Variants in DNM2 observed in about 807,000 individuals in gnomAD.
The protein encoded by DNM2 is dynamin-2.
In DNM2, 15 loss-of-function variants were observed where a neutral mutation model predicts 99.0. That is an observed-to-expected ratio of 0.15 (90% CI 0.10 to 0.23). The LOEUF is 0.23. DNM2 is among the 10% of genes least tolerant of loss of function. The probability of loss-of-function intolerance (pLI) is 1.00; values close to 1 mark genes in which losing one functional copy is unlikely to be tolerated. For synonymous variants in DNM2, 525 were observed against 481.2 expected, an observed-to-expected ratio of 1.09 and a Z score of -1.19; for missense variants, 742 against 1,189.4, an observed-to-expected ratio of 0.62 and a Z score of 5.53.
intron 7 of DNM2, among the ~76,000 whole-genome samples, chr19:10,789,869 T>G (rs2071691690): frequency 6.6e-6 from 1 of 152,074 alleles, no homozygotes; most frequent in South Asian, 2.1e-4. Flanking sequence ...ATAAATAAAT[T>G]TAAATACTAC....
chr19:10,783,698 TATTATTA>T (rs1568298569), intron 6 of DNM2, among the ~76,000 whole-genome samples: 5 of 131,540 alleles, frequency 3.8e-5, no homozygotes, highest in African/African-American at 7.6e-5. Flanking sequence ...TTATTATTAT[TATTATTA>T]TTTTTTATTT....
chr19:10,724,945 C>T (rs2069063865), intron 1 of DNM2, among the ~76,000 whole-genome samples: 1 of 152,228 alleles, frequency 6.6e-6, no homozygotes, highest in Non-Finnish European at 1.5e-5. Flanking sequence ...GGATGAGCCG[C>T]GGGGGCACTG....
chr19:10,756,806 A>G (rs921977474), intron 1 of DNM2, among the ~76,000 whole-genome samples: 2 of 151,664 alleles, frequency 1.3e-5, no homozygotes, highest in African/African-American at 4.8e-5. Flanking sequence ...CCACCTCCCA[A>G]ACTGCCCTGG....
Position 10,812,492 on chromosome 19 carries a change from AT to A in DNM2, c.1671+117del. On this transcript the variant is annotated intron_variant, in intron 15 of 20. Coordinates refer to ENST00000389253, the MANE Select transcript of DNM2 (RefSeq NM_001005361.3). This position sits in a 1 kb window ranked among gnomAD's most constrained non-coding sequence, Gnocchi z 4.0. ...CTGCGCCACTCTGCCCTGAGTCACC[AT>A]TAGGACTGTAACTCGCCGGGCACGG... The A allele has an allele frequency of 2.4e-6, 2 of 851,056 alleles. No individual in the cohort carries two copies. Among genetic ancestry groups the A allele is most frequent in the Non-Finnish European group, 1.8e-6 (1 of 541,526 alleles). The allele number at this position is 851,056 out of a possible 1,614,324, so 52.7% of individuals were successfully genotyped here.
chr19:10,788,416 T>C (rs1043101177), intron 7 of DNM2, among the ~76,000 whole-genome samples: 8 of 151,888 alleles, frequency 5.3e-5, no homozygotes, highest in African/African-American at 1.9e-4. Context: ...GAGGAGGTGA[T>C]AGAGCAGGTT....
intron 2 of DNM2, among the ~76,000 whole-genome samples, chr19:10,760,827 A>ATTTTTGTTTTTTTTTTTTTTTT (rs2070600608): frequency 2.4e-5 from 1 of 41,260 alleles, no homozygotes; most frequent in East Asian, 1.1e-3. Context: ...CACCCAGCTG[A>ATTTTTGTTTTTTTTTTTTTTTT]TTTTTTTTTT....
rs1405864518 is a variant in DNM2 at position 10,777,196 on chromosome 19, A to G, written c.668A>G (p.Lys223Arg). 1.2e-6 allele frequency: 2 copies of G among 1,614,048 alleles called. No homozygotes were observed. Among genetic ancestry groups the G allele is most frequent in the African/African-American group, 2.7e-5 (2 of 74,928 alleles). ...GACGCCAGGGACGTCTTGGAGAACAAGTTGCTCCCGTTGAGAAGAGGTGTG... is the reference window on the plus strand; with the variant it reads ...GACGCCAGGGACGTCTTGGAGAACAGGTTGCTCCCGTTGAGAAGAGGTGTG... ...GTDARDVLEN[K>R]LLPLRRGYIG... The change falls in exon 5 of 21, where the codon AAG becomes AGG. Residue 223 changes from lysine to arginine, a missense_variant. Lys to Arg is a conservative substitution (Grantham distance 26). This residue lies in a region of DNM2 where 192 missense variants were observed against 358.9 expected (regional missense o/e 0.54). Coordinates refer to ENST00000389253, the MANE Select transcript of DNM2 (RefSeq NM_001005361.3).
At chr19:10,786,739 C>T in intron 7 of DNM2, 33 bp downstream of exon 7, 1 of 1,613,358 alleles carries the variant, frequency 6.2e-7, no homozygotes, top group Non-Finnish European at 8.5e-7. Flanking sequence ...CCACCACCAC[C>T]CTGGCCCCTG....
At chr19:10,738,858 A>G (rs2069630073) in intron 1 of DNM2, among the ~76,000 whole-genome samples, 2 of 148,410 alleles carry the variant, frequency 1.3e-5, no homozygotes, top group African/African-American at 5.0e-5. Context: ...CAACAAGAGC[A>G]AAACTCCATC....
intron 6 of DNM2, among the ~76,000 whole-genome samples, 155 bp downstream of exon 6, chr19:10,783,275 G>A (rs1311773904): frequency 6.6e-6 from 1 of 152,178 alleles, no homozygotes; most frequent in Non-Finnish European, 1.5e-5. Flanking sequence ...AGACCAGTCT[G>A]GGCAACATAT....
chr19:10,737,378 C>T (rs1402232088), intron 1 of DNM2, among the ~76,000 whole-genome samples: 1 of 152,154 alleles, frequency 6.6e-6, no homozygotes, highest in Non-Finnish European at 1.5e-5. Flanking sequence ...GGCTCTCCCC[C>T]TGGCCACTCT....
chr19:10,734,797 A>C (rs1304211899), intron 1 of DNM2, among the ~76,000 whole-genome samples: 1 of 150,214 alleles, frequency 6.7e-6, no homozygotes, highest in Non-Finnish European at 1.5e-5. Context: ...TTTTCAAACA[A>C]AATCACCCCT....
Position 10,765,369 on chromosome 19 carries a change from G to A in DNM2, c.235+5558G>A, listed in dbSNP as rs1246988169. On this transcript the variant is annotated intron_variant, in intron 2 of 20. Transcript: ENST00000389253. The surrounding 1 kb of genome is among the most constrained non-coding windows in gnomAD (Gnocchi z 4.4). ...GCAGGTGCTCCGCATGCACGGCCGA[G>A]TGAACGAGCTCAAAGGGCTGGTGCT... Among the ~76,000 whole-genome samples the A allele has an allele frequency of 5.3e-5, 8 of 152,280 alleles. No individual in the cohort carries two copies. The highest frequency in any genetic ancestry group is 1.0e-4 in the Non-Finnish European group (7 of 68,042).
At chr19:10,758,482 CCTCCCTCCTTCCTTCCTTCCTCCCT>C (rs2070494896) in intron 1 of DNM2, among the ~76,000 whole-genome samples, 1 of 107,086 alleles carries the variant, frequency 9.3e-6, no homozygotes, top group East Asian at 2.8e-4. Flanking sequence ...TCCTTCCTTC[CCTCCCTCCTTCCTTCCTTCCTCCCT>C]TTCCTCCCTT....
rs554176832 is a variant in DNM2 at position 10,756,093 on chromosome 19, T to A, written c.162-3645T>A. Among the ~76,000 whole-genome samples the A allele has an allele frequency of 5.9e-5, 9 of 152,250 alleles. No homozygotes were observed. The East Asian group carries it at 1.7e-3, about 29-fold the overall frequency. On this transcript the variant is annotated intron_variant, in intron 1 of 20. Coordinates refer to ENST00000389253, the MANE Select transcript of DNM2 (RefSeq NM_001005361.3). ...CTACTTGTGGCGTTCATGAGGTTAA[T>A]ACCCTGGGACAGCCTGGTGTCCACT...
intron 5 of DNM2, among the ~76,000 whole-genome samples, chr19:10,782,567 C>T (rs1458532298): frequency 6.6e-6 from 1 of 151,260 alleles, no homozygotes; most frequent in Non-Finnish European, 1.5e-5. Context: ...ACCATGCTGG[C>T]CAGGGTGGCC....
intron 2 of DNM2, among the ~76,000 whole-genome samples, chr19:10,760,826 G>GGTTTTTTTTTTTTTTT (rs1568284526): frequency 2.0e-4 from 1 of 4,956 alleles, no homozygotes; most frequent in Admixed American, 2.6e-3. Flanking sequence ...ACACCCAGCT[G>GGTTTTTTTTTTTTTTT]ATTTTTTTTT....
intron 18 of DNM2, among the ~76,000 whole-genome samples, chr19:10,826,126 G>A (rs1002083146): frequency 6.6e-6 from 1 of 152,070 alleles, no homozygotes; most frequent in Non-Finnish European, 1.5e-5. Context: ...TAGGGTTTCC[G>A]AGCCACACTG....
At chr19:10,755,242 A>G (rs532792143) in intron 1 of DNM2, 4 of 152,346 alleles carry the variant, frequency 2.6e-5, no homozygotes, top group South Asian at 2.1e-4. Flanking sequence ...CGACCACGAA[A>G]AGGAATGAAC....
Sources: allele counts gnomAD v4.1 joint callset (sites outside exome capture counted in the v4.1 genomes callset), GRCh38; gene constraint gnomAD v4.1.1; regional missense constraint gnomAD v4.1.1; non-coding constraint Gnocchi (gnomAD v3.1); transcripts MANE v1.5; gene names NCBI Gene and HGNC (gene_info 2026-07-23, HGNC 2026-07-21).